The following NUAK1 variants were observed in gnomAD, a reference collection of about 807,000 sequenced individuals.
The protein encoded by NUAK1 is NUAK family SNF1-like kinase 1.
Under a neutral mutation model 56.9 loss-of-function variants are expected in NUAK1, and 26 were observed. The observed-to-expected ratio is 0.46, with a 90% confidence interval of 0.33 to 0.63. The LOEUF is 0.63. Among genes scored for constraint, NUAK1 ranks in the 30% least tolerant of loss-of-function variants. NUAK1 has a pLI of 0.02. For synonymous variants in NUAK1, 337 were observed against 336.0 expected (o/e 1.00, Z -0.03); for missense variants, 727 against 876.1 (o/e 0.83, Z 2.15).
rs1224777821 is a variant in NUAK1, at chr12:106,106,456, T to A, written c.310A>T (p.Ile104Phe). Residue 104 changes from isoleucine (I) to phenylalanine (F), a missense_variant, in exon 2 of 7, where the codon ATT becomes TTT. Ile to Phe is a conservative substitution (Grantham distance 21, BLOSUM62 0). Coordinates refer to ENST00000261402, the MANE Select transcript of NUAK1 (RefSeq NM_014840.3). The part of the protein sequence containing the change: ...EQDMVHIRRE[I>F]EIMSSLNHPH... ...TGGTTGAGAGATGACATGATCTCAA[T>A]CTCTCGTCTGATGTGAACCATGTCT... 3 of 1,612,788 alleles carry A rather than the reference T, an allele frequency of 1.9e-6. No individual in the cohort carries two copies. Among genetic ancestry groups the A allele is most frequent in the Non-Finnish European group, 2.5e-6 (3 of 1,179,386 alleles).
At chr12:106,117,611 A>G (rs768250600) in intron 1 of NUAK1, among the ~76,000 whole-genome samples, 9 of 152,206 alleles carry the variant, frequency 5.9e-5, no homozygotes, top group Non-Finnish European at 1.2e-4. Flanking sequence ...ACTTCGTCAA[A>G]CACCACAAAA....
At chr12:106,101,355 C>T (rs1322754446) in intron 2 of NUAK1, among the ~76,000 whole-genome samples, 2 of 152,224 alleles carry the variant, frequency 1.3e-5, no homozygotes, top group South Asian at 2.1e-4. Flanking sequence ...ACTGCATCCC[C>T]GCAAAAACTC....
intron 2 of NUAK1, among the ~76,000 whole-genome samples, chr12:106,101,251 G>A (rs930847453): frequency 2.0e-5 from 3 of 152,170 alleles, no homozygotes; most frequent in Non-Finnish European, 2.9e-5. Flanking sequence ...TCAGAAATAC[G>A]GATGAGGCAC....
At chr12:106,123,876 C>A (rs537937177) in intron 1 of NUAK1, among the ~76,000 whole-genome samples, 2 of 152,286 alleles carry the variant, frequency 1.3e-5, no homozygotes, top group Admixed American at 6.5e-5. Flanking sequence ...CGAGACACTG[C>A]AAGGATTTTA....
At chr12:106,121,408 G>A (rs1359429244) in intron 1 of NUAK1, among the ~76,000 whole-genome samples, 3 of 152,090 alleles carry the variant, frequency 2.0e-5, no homozygotes, top group South Asian at 2.1e-4. Context: ...TCAGGAGTTC[G>A]AAGCAGCTCT....
rs267603280 is a variant in NUAK1 at position 106,086,761 on chromosome 12, G to C, written c.486C>G (p.Ile162Met). ...ERETRHFFRQ[I>M]VSAVHYCHKN... ...TGTGACAATAGTGCACAGCAGAGAC[G>C]ATCTGCCGGAAGAAGTGCCGGGTCT... The change falls in exon 3 of 7, where the codon ATC becomes ATG. Residue 162 changes from isoleucine to methionine, a missense_variant. Transcript: ENST00000261402. The C allele has an allele frequency of 3.1e-6, 5 of 1,614,066 alleles. No homozygotes were observed. The highest frequency in any genetic ancestry group is 4.2e-6 in the Non-Finnish European group (5 of 1,179,954).
chr12:106,128,813 A>C (rs1304157898), intron 1 of NUAK1, among the ~76,000 whole-genome samples: 1 of 152,196 alleles, frequency 6.6e-6, no homozygotes, highest in Non-Finnish European at 1.5e-5. Flanking sequence ...CCCCCTGGAG[A>C]TCTCCATATC....
At chr12:106,075,163 A>G (rs2032447767) in intron 4 of NUAK1, among the ~76,000 whole-genome samples, 1 of 152,094 alleles carries the variant, frequency 6.6e-6, no homozygotes, top group African/African-American at 2.4e-5. Flanking sequence ...GCCCACTCCT[A>G]TCCTCACAGA....
intron 6 of NUAK1, among the ~76,000 whole-genome samples, chr12:106,069,145 G>A (rs1446293638): frequency 6.6e-6 from 1 of 152,094 alleles, no homozygotes; most frequent in Non-Finnish European, 1.5e-5. Context: ...GTCTGTATTT[G>A]CAAATTTGCC....
chr12:106,132,301 G>A (rs772378686), intron 1 of NUAK1, among the ~76,000 whole-genome samples: 17 of 152,242 alleles, frequency 1.1e-4, no homozygotes, highest in African/African-American at 4.1e-4. Flanking sequence ...GTACAACTTC[G>A]ACACCTCCCA....
chr12:106,076,466 T>G (rs1209387698), intron 4 of NUAK1, among the ~76,000 whole-genome samples: 1 of 152,162 alleles, frequency 6.6e-6, no homozygotes, highest in Non-Finnish European at 1.5e-5. Flanking sequence ...GCTTGTTGTT[T>G]TGACTGCTCC....
At chr12:106,131,153 C>T (rs2033074166) in intron 1 of NUAK1, among the ~76,000 whole-genome samples, 2 of 152,178 alleles carry the variant, frequency 1.3e-5, no homozygotes, top group African/African-American at 4.8e-5. Flanking sequence ...TCCCACTCTC[C>T]ACCCTGAGCC....
intron 4 of NUAK1, among the ~76,000 whole-genome samples, chr12:106,075,540 T>C (rs899287182): frequency 2.0e-5 from 3 of 152,152 alleles, no homozygotes; most frequent in African/African-American, 7.2e-5. Flanking sequence ...ACATAAAGTA[T>C]GTAAAGTCCT....
chr12:106,080,979 C>T (rs1378272929), intron 4 of NUAK1, among the ~76,000 whole-genome samples: 3 of 152,210 alleles, frequency 2.0e-5, no homozygotes, highest in Non-Finnish European at 4.4e-5. Context: ...AATGCTGAGT[C>T]AGGAAGAGTT....
rs1055059424 is a variant in NUAK1 at position 106,081,652 on chromosome 12, T to C, written c.579+2212A>G. ...TTCTCCTGGGCTCCTGCCTCACTGT[T>C]TCCCTGCACAATTGCTTTCAGAATT... On this transcript the variant is annotated intron_variant, in intron 4 of 6. Coordinates refer to ENST00000261402, the MANE Select transcript of NUAK1 (RefSeq NM_014840.3). 3.9e-5 allele frequency among the ~76,000 whole-genome samples: 6 copies of C among 152,328 alleles called. No homozygotes were observed. The South Asian group carries it at 1.2e-3, about 32-fold the overall frequency.
intron 3 of NUAK1, 85 bp downstream of exon 3, chr12:106,086,649 G>A: frequency 1.4e-6 from 2 of 1,409,292 alleles, no homozygotes; most frequent in Non-Finnish European, 1.9e-6. Context: ...CCCATGAACA[G>A]ATATCACTTT....
At chr12:106,109,930 A>G (rs1437738401) in intron 1 of NUAK1, among the ~76,000 whole-genome samples, 1 of 152,162 alleles carries the variant, frequency 6.6e-6, no homozygotes, top group Non-Finnish European at 1.5e-5. Context: ...TTTCTTTTTC[A>G]GAGCAAACTT....
At chr12:106,075,428 G>A (rs1256718427) in intron 4 of NUAK1, among the ~76,000 whole-genome samples, 2 of 152,030 alleles carry the variant, frequency 1.3e-5, no homozygotes, top group Non-Finnish European at 2.9e-5. Flanking sequence ...GAGGGGAAAT[G>A]GCCACTGGTT....
At position 106,106,438 on chromosome 12, in the gene NUAK1, G is replaced by C. The variant is rs1345074497; in HGVS notation, c.328C>G (p.Leu110Val). The change falls in exon 2 of 7, where the codon CTC becomes GTC. Residue 110 changes from leucine to valine, a missense_variant. Leu to Val is a conservative substitution (Grantham distance 32). Transcript: ENST00000261402. ...ATACTGATGATATGAGGATGGTTGA[G>C]AGATGACATGATCTCAATCTCTCGT... ...IRREIEIMSS[L>V]NHPHIISIYE... The C allele has an allele frequency of 8.7e-6, 14 of 1,612,422 alleles. No homozygotes were observed. Among genetic ancestry groups the C allele is most frequent in the African/African-American group, 1.3e-5 (1 of 74,854 alleles).
Sources: gnomAD v4.1 joint callset for allele counts (sites outside exome capture counted in the v4.1 genomes callset) on GRCh38, gnomAD v4.1.1 for gene constraint, MANE v1.5 for transcripts, NCBI Gene and HGNC (gene_info 2026-07-23, HGNC 2026-07-21) for gene names.